Variants in GPR107 observed in about 807,000 individuals in gnomAD.
GPR107 encodes G protein-coupled receptor 107.
A neutral mutation model predicts 75.5 loss-of-function variants in GPR107; 31 were observed. The ratio of observed to expected loss-of-function variants is 0.41; its 90% CI spans 0.31 to 0.55. The LOEUF is 0.55. Among genes scored for constraint, GPR107 ranks in the 20% least tolerant of loss-of-function variants. GPR107 has a pLI of 0.26. For missense variants in GPR107, 572 were observed against 665.7 expected (o/e 0.86, Z 1.55); for synonymous variants, 267 against 251.3 (o/e 1.06, Z -0.59).
At chr9:130,096,417 C>A (rs1004845314) in intron 9 of GPR107, among the ~76,000 whole-genome samples, 8 of 151,850 alleles carry the variant, frequency 5.3e-5, no homozygotes, top group Non-Finnish European at 1.2e-4. Context: ...CTCTCCCACT[C>A]CTTCCCAGTA....
At chr9:130,099,356 A>G (rs1356794075) in intron 9 of GPR107, 101 bp from the exon 10 acceptor site, 3 of 711,404 alleles carry the variant, frequency 4.2e-6, no homozygotes, top group African/African-American at 1.8e-5. Context: ...TGCACAGATT[A>G]TATTTCCTGT....
intron 10 of GPR107, 30 bp from the exon 11 acceptor site, chr9:130,100,599 T>C: frequency 6.7e-7 from 1 of 1,482,314 alleles, no homozygotes; most frequent in South Asian, 1.1e-5. Flanking sequence ...AGATAATGAG[T>C]GATTCTGAAA....
Position 130,092,289 on chromosome 9 carries a change from A to G in GPR107, c.771A>G (p.Ala257=). The G allele has an allele frequency of 1.2e-6, 2 of 1,606,978 alleles. No individual in the cohort carries two copies. The highest frequency in any genetic ancestry group is 8.5e-7 in the Non-Finnish European group (1 of 1,173,420). The change falls in exon 9 of 18, where the codon GCA becomes GCG. Residue 257 remains alanine, a synonymous_variant. Coordinates refer to ENST00000347136, the MANE Select transcript of GPR107 (RefSeq NM_020960.5). The part of the protein sequence containing the change: ...TEKNPDSYLS[A]GEIPLPKLYI... ...AGAATCCTGACAGCTACCTCTCAGC[A>G]GGAGAAATTCCTCTCCCCAAATTAT...
In GPR107 at chr9:130,135,068, A is replaced by G; in HGVS notation, c.1606A>G (p.Lys536Glu). The change falls in exon 18 of 18, where the codon AAG becomes GAG. Residue 536 changes from lysine (K) to glutamate (E), a missense_variant. Transcript: ENST00000347136. ...GVMESMKKVK[K>E]VTNGSVEPQG... ...GATGGAAAGTATGAAGAAAGTCAAGAAGGTGACCAACGGCTCCGTGGAGCC... is the reference window on the plus strand; with the variant it reads ...GATGGAAAGTATGAAGAAAGTCAAGGAGGTGACCAACGGCTCCGTGGAGCC... The G allele has an allele frequency of 6.2e-7, 1 of 1,611,994 alleles. No homozygotes were observed. The highest frequency in any genetic ancestry group is 1.1e-5 in the South Asian group (1 of 90,978).
intron 14 of GPR107, among the ~76,000 whole-genome samples, chr9:130,115,604 A>G (rs923352919): frequency 6.6e-6 from 1 of 151,830 alleles, no homozygotes; most frequent in Non-Finnish European, 1.5e-5. Flanking sequence ...ATCTCTACTA[A>G]AAATACAAAA....
chr9:130,055,527 CA>C (rs60907055), intron 1 of GPR107, among the ~76,000 whole-genome samples: 97,509 of 108,130 alleles, frequency 0.9, 43,553 homozygotes, highest in Admixed American at 0.92. Flanking sequence ...GACTCCGTCT[CA>C]AAAAAAAAAA....
intron 1 of GPR107, among the ~76,000 whole-genome samples, chr9:130,058,436 G>A (rs1320019182): frequency 6.6e-6 from 1 of 151,376 alleles, no homozygotes; most frequent in Non-Finnish European, 1.5e-5. Flanking sequence ...GATGTTTAAT[G>A]TAAGTGGAAT....
chr9:130,084,813 T>C (rs1167430673), intron 6 of GPR107, among the ~76,000 whole-genome samples: 1 of 150,646 alleles, frequency 6.6e-6, no homozygotes, highest in Non-Finnish European at 1.5e-5. Flanking sequence ...GATTTCTAAG[T>C]TGCACAGCAC....
intron 1 of GPR107, among the ~76,000 whole-genome samples, chr9:130,070,466 G>A (rs1830178028): frequency 6.6e-6 from 1 of 152,070 alleles, no homozygotes; most frequent in African/African-American, 2.4e-5. Context: ...ACCATGCTTG[G>A]CTACTTTTTG....
Position 130,135,158 on chromosome 9 carries a change from CTG to C in GPR107, c.*39_*40del. On this transcript the variant is annotated 3_prime_UTR_variant, in exon 18 of 18. Coordinates refer to ENST00000347136, the MANE Select transcript of GPR107 (RefSeq NM_020960.5). ...CTGAGGATGGCACTGTCCAAGGAAACTGTTAACTTATTCATAGTCCTATTGGA... is the reference window on the plus strand; with the variant it reads ...CTGAGGATGGCACTGTCCAAGGAAACTTAACTTATTCATAGTCCTATTGGA... The C allele has an allele frequency of 1.7e-5, 20 of 1,153,718 alleles. No individual in the cohort carries two copies. The highest frequency in any genetic ancestry group is 2.4e-5 in the Non-Finnish European group (19 of 788,284). The allele number at this position is 1,153,718 out of a possible 1,614,324, so 71.5% of individuals were successfully genotyped here.
At chr9:130,062,306 G>A (rs1221591617) in intron 1 of GPR107, among the ~76,000 whole-genome samples, 4 of 151,608 alleles carry the variant, frequency 2.6e-5, no homozygotes, top group African/African-American at 4.8e-5. Context: ...CCAGCTACTC[G>A]GGAGGCTGCG....
chr9:130,113,604 A>G (rs894876674), intron 14 of GPR107, among the ~76,000 whole-genome samples: 4 of 151,508 alleles, frequency 2.6e-5, no homozygotes, highest in African/African-American at 7.3e-5. Context: ...TAAGAATTCT[A>G]TAATAAAATG....
At chr9:130,074,680 T>C (rs1830298385) in intron 1 of GPR107, among the ~76,000 whole-genome samples, 1 of 152,098 alleles carries the variant, frequency 6.6e-6, no homozygotes, top group Non-Finnish European at 1.5e-5. Context: ...CTAATTCCTA[T>C]TCCTGGGATT....
At chr9:130,084,047 C>CATATATACATATAT (rs1554892947) in intron 6 of GPR107, among the ~76,000 whole-genome samples, 1 of 130,908 alleles carries the variant, frequency 7.6e-6, no homozygotes, top group Admixed American at 8.1e-5. Context: ...AGAGAGCTAA[C>CATATATACATATAT]ATATATATAT....
intron 14 of GPR107, among the ~76,000 whole-genome samples, chr9:130,113,509 G>A (rs534571770): frequency 1.3e-5 from 2 of 152,162 alleles, no homozygotes; most frequent in Non-Finnish European, 2.9e-5. Context: ...GGGATTATAG[G>A]TGTGAGCCAC....
At chr9:130,073,357 T>C (rs568098756) in intron 1 of GPR107, among the ~76,000 whole-genome samples, 1 of 152,266 alleles carries the variant, frequency 6.6e-6, no homozygotes, top group Admixed American at 6.5e-5. Context: ...CTTGAGAGAA[T>C]TGAGAAAATA....
intron 14 of GPR107, among the ~76,000 whole-genome samples, chr9:130,120,641 C>T (rs1200255332): frequency 2.0e-5 from 3 of 152,214 alleles, no homozygotes; most frequent in South Asian, 2.1e-4. Flanking sequence ...ACTCCTCGAT[C>T]GCTCTGCATC....
intron 8 of GPR107, 39 bp downstream of exon 8, chr9:130,091,022 C>A: frequency 1.2e-6 from 1 of 844,436 alleles, no homozygotes; most frequent in South Asian, 1.4e-5. Flanking sequence ...TGGATTTTGT[C>A]AGCATAAAAC....
rs527407734 is a variant in GPR107, at chr9:130,088,045, T to G, written c.621+1569T>G. On this transcript the variant is annotated intron_variant, in intron 7 of 17. Transcript: ENST00000347136. ...GTTCTTTAAGCTTAGTAACCATCAT[T>G]TTCGTCGCCATCCTTATTAATAGCT... is the stretch of plus-strand genomic sequence containing the variant. 2.0e-5 allele frequency among the ~76,000 whole-genome samples: 3 copies of G among 152,270 alleles called. No individual in the cohort carries two copies. The South Asian group carries it at 6.2e-4, about 32-fold the overall frequency.
Sources: allele counts gnomAD v4.1 joint callset (sites outside exome capture counted in the v4.1 genomes callset), GRCh38; gene constraint gnomAD v4.1.1; transcripts MANE v1.5; gene names NCBI Gene and HGNC (gene_info 2026-07-23, HGNC 2026-07-21).